Variants in JAKMIP1 observed in about 807,000 individuals in gnomAD.
The protein encoded by JAKMIP1 is janus kinase and microtubule-interacting protein 1.
A neutral mutation model predicts 113.0 loss-of-function variants in JAKMIP1; 33 were observed. The observed-to-expected ratio is 0.29, with a 90% CI of 0.22 to 0.39. The LOEUF (loss-of-function observed/expected upper bound fraction) is 0.39. Ranked by LOEUF, JAKMIP1 falls within the 10% of genes least tolerant of loss-of-function variation. The pLI, the probability that JAKMIP1 is intolerant of heterozygous loss-of-function variation, is 1.00. For synonymous variants in JAKMIP1, 480 were observed against 459.9 expected, an observed-to-expected ratio of 1.04 and a Z score of -0.56; for missense variants, 813 against 1,080.5, an observed-to-expected ratio of 0.75 and a Z score of 3.47.
rs753331107 is a variant in JAKMIP1 at position 6,105,980 on chromosome 4, C to G, written c.130-13G>C. 25 of 1,549,584 alleles carry G rather than the reference C, an allele frequency of 1.6e-5. No homozygotes were observed. Among genetic ancestry groups the G allele is most frequent in the Non-Finnish European group, 2.2e-5 (25 of 1,140,820 alleles). ...GCAGTTTGCCCACCTGCAGCCAGAG[C>G]GGCGAGAGAGCCGGTCAGGGTCAGG... is the stretch of plus-strand genomic sequence containing the variant. On this transcript the variant is annotated splice_polypyrimidine_tract_variant and intron_variant, in intron 2 of 20. Coordinates refer to ENST00000409021, the MANE Select transcript of JAKMIP1 (RefSeq NM_001099433.2).
In JAKMIP1 at chr4:6,049,050, C is replaced by T. The variant is rs1715339216; in HGVS notation, c.1963-128G>A. 10 of 705,680 alleles carry T rather than the reference C, an allele frequency of 1.4e-5. No individual in the cohort carries two copies. Among genetic ancestry groups the T allele is most frequent in the South Asian group, 8.5e-5 (5 of 59,034 alleles). The allele number at this position is 705,680 out of a possible 1,614,324, so 43.7% of individuals were successfully genotyped here. The stretch of plus-strand genomic sequence containing the variant: ...TTTATTATGTTTGTTTGTTTTGAGA[C>T]GGAGTCTCTCTCTGTCACCTGGGTT... On this transcript the variant is annotated intron_variant, in intron 15 of 20. Coordinates refer to ENST00000409021, the MANE Select transcript of JAKMIP1 (RefSeq NM_001099433.2). This position sits in a 1 kb window ranked among gnomAD's most constrained non-coding sequence, Gnocchi z 7.0.
intron 1 of JAKMIP1, among the ~76,000 whole-genome samples, chr4:6,182,421 AAAAAAG>A (rs1361353570): frequency 1.1e-4 from 17 of 149,560 alleles, no homozygotes; most frequent in South Asian, 4.4e-4. Context: ...AAAAAAAAAA[AAAAAAG>A]AAAGAAAGAA....
chr4:6,196,246 T>C (rs1242483287), intron 1 of JAKMIP1, among the ~76,000 whole-genome samples: 2 of 152,166 alleles, frequency 1.3e-5, no homozygotes, highest in Admixed American at 6.5e-5. Context: ...CATCTAATAG[T>C]GACTGTGGCC....
chr4:6,126,887 A>C (rs1210210420), intron 1 of JAKMIP1, among the ~76,000 whole-genome samples: 1 of 151,864 alleles, frequency 6.6e-6, no homozygotes, highest in Non-Finnish European at 1.5e-5. Flanking sequence ...CATATGCCAC[A>C]TACACACACA....
rs115796847 is a variant in JAKMIP1, at chr4:6,111,280, C to A, written c.129+1442G>T. Among the ~76,000 whole-genome samples, 1,269 of 152,314 alleles carry A rather than the reference C, an allele frequency of 8.3e-3. 21 individuals are homozygous for A. The highest frequency in any genetic ancestry group is 0.029 in the African/African-American group (1,210 of 41,556). On this transcript the variant is annotated intron_variant, in intron 2 of 20. Transcript: ENST00000409021. ...GTCACTCCAGGTACTACAGCAGGAG[C>A]CAGAGGGCACCTTCGGGGCTTCAGA...
chr4:6,029,830 A>C (rs1276352738), intron 19 of JAKMIP1, 49 bp from the exon 20 acceptor site: 9 of 1,292,952 alleles, frequency 7.0e-6, no homozygotes, highest in Non-Finnish European at 9.9e-6. Context: ...TTCCAGGTTT[A>C]AAAACTCTGT....
rs1161344250 is a variant in JAKMIP1, at chr4:6,193,438, C to G, written c.-148+6815G>C. ...GTTCTGTCTCTCTAGAGAACCCTGACTAATACAGACGTGAGGGATGAAAAG... is the reference window on the plus strand; with the variant it reads ...GTTCTGTCTCTCTAGAGAACCCTGAGTAATACAGACGTGAGGGATGAAAAG... On this transcript the variant is annotated intron_variant, in intron 1 of 20. Coordinates refer to ENST00000409021, the MANE Select transcript of JAKMIP1 (RefSeq NM_001099433.2). This position sits in a 1 kb window ranked among gnomAD's most constrained non-coding sequence, Gnocchi z 6.4. Among the ~76,000 whole-genome samples the G allele has an allele frequency of 2.0e-5, 3 of 152,184 alleles. No homozygotes were observed. The highest frequency in any genetic ancestry group is 4.1e-4 in the South Asian group (2 of 4,830).
rs2108876016 is a variant in JAKMIP1 at position 6,105,931 on chromosome 4, G to A, written c.166C>T (p.Leu56=). ...CGTCGCTGCTCCTGCTCGCGCTCCAGCTTCGCCTCCTGCAGCCGCTCGCGC... is the reference window on the plus strand; with the variant it reads ...CGTCGCTGCTCCTGCTCGCGCTCCAACTTCGCCTCCTGCAGCCGCTCGCGC... ...KLRERLQEAK[L]EREQEQRRHT... Residue 56 remains leucine, a synonymous_variant, in exon 3 of 21, where the codon CTG becomes TTG. Coordinates refer to ENST00000409021, the MANE Select transcript of JAKMIP1 (RefSeq NM_001099433.2). The A allele has an allele frequency of 6.2e-7, 1 of 1,609,132 alleles. No individual in the cohort carries two copies. The highest frequency in any genetic ancestry group is 2.2e-5 in the East Asian group (1 of 44,822).
intron 1 of JAKMIP1, among the ~76,000 whole-genome samples, chr4:6,164,044 G>T (rs1723275062): frequency 6.6e-6 from 1 of 152,214 alleles, no homozygotes; most frequent in Non-Finnish European, 1.5e-5. Flanking sequence ...TTACCCAGAA[G>T]ATCCAGCTAA....
chr4:6,126,190 C>T (rs1441586787), intron 1 of JAKMIP1, among the ~76,000 whole-genome samples: 1 of 149,128 alleles, frequency 6.7e-6, no homozygotes, highest in African/African-American at 2.5e-5. Context: ...CATGCAGAAA[C>T]ACACATACAC....
rs997223093 is a variant in JAKMIP1 at position 6,156,997 on chromosome 4, C to A, written c.-148+43256G>T. ...ATGCACCAGTGTAAAGAGGGGGGAC[C>A]TTTAAGGGGTGATTGGGTCATGAGG... On this transcript the variant is annotated intron_variant, in intron 1 of 20. Coordinates refer to ENST00000409021, the MANE Select transcript of JAKMIP1 (RefSeq NM_001099433.2). The surrounding 1 kb of genome is among the most constrained non-coding windows in gnomAD (Gnocchi z 5.0). Among the ~76,000 whole-genome samples the A allele has an allele frequency of 3.9e-5, 6 of 152,260 alleles. No individual in the cohort carries two copies. The South Asian group carries it at 1.2e-3, about 32-fold the overall frequency.
In JAKMIP1 at chr4:6,136,968, G is replaced by A. The variant is rs1719335591; in HGVS notation, c.-147-23971C>T. Among the ~76,000 whole-genome samples the A allele has an allele frequency of 6.6e-6, 1 of 152,168 alleles. No homozygotes were observed. The highest frequency in any genetic ancestry group is 2.1e-4 in the South Asian group (1 of 4,822). On this transcript the variant is annotated intron_variant, in intron 1 of 20. Coordinates refer to ENST00000409021, the MANE Select transcript of JAKMIP1 (RefSeq NM_001099433.2). The surrounding 1 kb of genome is among the most constrained non-coding windows in gnomAD (Gnocchi z 5.9). ...GATGAGGAAACTGAGGCTCAGGGAG[G>A]TGGCATGGGGAGCCAGGATTCCACC...
At chr4:6,127,256 C>T (rs989196444) in intron 1 of JAKMIP1, among the ~76,000 whole-genome samples, 2 of 152,182 alleles carry the variant, frequency 1.3e-5, no homozygotes, top group African/African-American at 4.8e-5. Context: ...ACAGCAAGCC[C>T]GGGGGCAGCC....
At chr4:6,056,161 C>T (rs1361561454) in intron 12 of JAKMIP1, among the ~76,000 whole-genome samples, 2 of 146,476 alleles carry the variant, frequency 1.4e-5, no homozygotes, top group East Asian at 4.2e-4. Flanking sequence ...CTCTCCCCAT[C>T]TCTGCAGGGT....
Position 6,106,006 on chromosome 4 carries a change from G to A in JAKMIP1, c.130-39C>T. 1.7e-6 allele frequency: 2 copies of A among 1,182,750 alleles called. No individual in the cohort carries two copies. Among genetic ancestry groups the A allele is most frequent in the African/African-American group, 3.0e-5 (2 of 65,772 alleles). 73.3% of individuals were successfully genotyped at this position (1,182,750 alleles called of 1,614,324 possible). On this transcript the variant is annotated intron_variant, in intron 2 of 20. Coordinates refer to ENST00000409021, the MANE Select transcript of JAKMIP1 (RefSeq NM_001099433.2). This position sits in a 1 kb window ranked among gnomAD's most constrained non-coding sequence, Gnocchi z 5.9. ...GGCGAGAGAGCCGGTCAGGGTCAGG[G>A]TCAGGGTCAGGGTCAGGGTCAGGGT...
intron 5 of JAKMIP1, 70 bp downstream of exon 5, chr4:6,084,776 C>A: frequency 6.7e-7 from 1 of 1,490,596 alleles, no homozygotes; most frequent in South Asian, 1.4e-5. Context: ...CTGTGCAGGG[C>A]ATGTTTCAGG....
rs74663433 is a variant in JAKMIP1 at position 6,027,259 on chromosome 4, C to A, written c.2446-981G>T. On this transcript the variant is annotated intron_variant, in intron 20 of 20. Transcript: ENST00000409021. ...AAATAATCCTTGAGTTCTTCTCCCC[C>A]CCAAAACAAGGTAATATCTCCCTAT... 2.8e-4 allele frequency among the ~76,000 whole-genome samples: 43 copies of A among 152,196 alleles called. No homozygotes were observed. The South Asian group carries it at 6.0e-3, about 21-fold the overall frequency.
chr4:6,102,656 G>C (rs541697295), intron 3 of JAKMIP1, among the ~76,000 whole-genome samples: 65 of 148,706 alleles, frequency 4.4e-4, no homozygotes, highest in African/African-American at 1.6e-3. Context: ...GGTGTCTTGG[G>C]TTTGCTACAT....
chr4:6,098,666 G>GAA (rs1329315695), intron 3 of JAKMIP1, among the ~76,000 whole-genome samples: 2 of 96,732 alleles, frequency 2.1e-5, no homozygotes, highest in African/African-American at 1.3e-4. Flanking sequence ...AAGGAAGAAA[G>GAA]AGAGAGAAAG....
Sources: gnomAD v4.1 joint callset for allele counts (sites outside exome capture counted in the v4.1 genomes callset) on GRCh38, gnomAD v4.1.1 for gene constraint, Gnocchi (gnomAD v3.1) non-coding constraint, MANE v1.5 for transcripts, NCBI Gene and HGNC (gene_info 2026-07-23, HGNC 2026-07-21) for gene names.